The following PDE8A variants were observed in gnomAD, a reference collection of about 807,000 sequenced individuals.
PDE8A encodes high affinity cAMP-specific and IBMX-insensitive 3',5'-cyclic phosphodiesterase 8A.
In PDE8A, 59 loss-of-function variants were observed where a neutral mutation model predicts 105.0. The observed-to-expected ratio is 0.56, with a 90% CI of 0.46 to 0.70. PDE8A has a LOEUF of 0.70. PDE8A is among the 30% of genes least tolerant of loss of function. The probability of loss-of-function intolerance (pLI) is 0.00; values close to 1 mark genes in which losing one functional copy is unlikely to be tolerated. For synonymous variants in PDE8A, 355 were observed against 371.9 expected, an observed-to-expected ratio of 0.95 and a Z score of 0.52; for missense variants, 1,014 against 1,045.9, an observed-to-expected ratio of 0.97 and a Z score of 0.42.
intron 18 of PDE8A, 66 bp downstream of exon 18, chr15:85,121,080 A>G (rs1470626150): frequency 2.0e-6 from 2 of 989,048 alleles, no homozygotes; most frequent in African/African-American, 1.6e-5. Flanking sequence ...ATATTGAGAT[A>G]TAATTCACAT....
At chr15:85,039,802 C>T (rs1056087290) in intron 1 of PDE8A, among the ~76,000 whole-genome samples, 5 of 152,156 alleles carry the variant, frequency 3.3e-5, no homozygotes, top group Non-Finnish European at 7.3e-5. Flanking sequence ...CATGGATAAA[C>T]TTAGAGGACT....
At chr15:85,104,192 T>C (rs766041712) in intron 11 of PDE8A, among the ~76,000 whole-genome samples, 5 of 152,224 alleles carry the variant, frequency 3.3e-5, no homozygotes, top group Non-Finnish European at 5.9e-5. Context: ...AACATGAGTT[T>C]CGCTGTCTGG....
intron 21 of PDE8A, among the ~76,000 whole-genome samples, chr15:85,137,375 T>TGTG: frequency 6.6e-6 from 1 of 150,578 alleles, no homozygotes; most frequent in African/African-American, 2.5e-5. Context: ...ACGTTCTTCA[T>TGTG]GTGGTGCAGG....
At chr15:84,994,943 C>G (rs1308625155) in intron 1 of PDE8A, among the ~76,000 whole-genome samples, 1 of 148,090 alleles carries the variant, frequency 6.8e-6, no homozygotes, top group Non-Finnish European at 1.5e-5. Context: ...GCCTGGGCAA[C>G]AAGGGCGAAA....
chr15:85,100,526 T>C (rs2081844247), intron 11 of PDE8A, among the ~76,000 whole-genome samples: 1 of 152,232 alleles, frequency 6.6e-6, no homozygotes. Flanking sequence ...CACAGTCCTT[T>C]AACAGGGATG....
intron 1 of PDE8A, among the ~76,000 whole-genome samples, chr15:84,982,826 GCAGGTTAC>G (rs1178700455): frequency 6.6e-6 from 1 of 152,228 alleles, no homozygotes; most frequent in Non-Finnish European, 1.5e-5. Context: ...ACATGCAGTT[GCAGGTTAC>G]CATTTTCTTC....
Position 85,083,648 on chromosome 15 carries a change from A to G in PDE8A, c.635+4A>G, listed in dbSNP as rs1596500860. Reference sequence around the variant, plus strand: ...TGCGATCACAACTGAAACTCAGGTAATTCTACCACTTCTGGAAAGCCCTCC... The same window carrying G: ...TGCGATCACAACTGAAACTCAGGTAGTTCTACCACTTCTGGAAAGCCCTCC... On this transcript the variant is annotated splice_donor_region_variant and intron_variant, in intron 6 of 21. Coordinates refer to ENST00000394553, the MANE Select transcript of PDE8A (RefSeq NM_002605.3). 1 of 1,598,298 alleles carries G rather than the reference A, an allele frequency of 6.3e-7. No individual in the cohort carries two copies. The highest frequency in any genetic ancestry group is 8.6e-7 in the Non-Finnish European group (1 of 1,165,710).
chr15:85,054,037 A>C (rs566454143), intron 1 of PDE8A, among the ~76,000 whole-genome samples: 2 of 152,170 alleles, frequency 1.3e-5, no homozygotes, highest in South Asian at 4.1e-4. Flanking sequence ...AGGGCTGTTG[A>C]ATTTTGTCAA....
intron 1 of PDE8A, among the ~76,000 whole-genome samples, chr15:85,040,948 A>G (rs2042319706): frequency 6.6e-6 from 1 of 152,038 alleles, no homozygotes; most frequent in South Asian, 2.1e-4. Flanking sequence ...TTTAAGATTC[A>G]TCATATTATT....
chr15:85,041,077 C>A (rs1013657734), intron 1 of PDE8A, among the ~76,000 whole-genome samples: 1 of 152,208 alleles, frequency 6.6e-6, no homozygotes, highest in African/African-American at 2.4e-5. Flanking sequence ...AGGCTCATCA[C>A]TTCTGGGTTG....
intron 1 of PDE8A, among the ~76,000 whole-genome samples, chr15:85,040,493 A>G (rs1193456301): frequency 6.7e-6 from 1 of 148,990 alleles, no homozygotes; most frequent in African/African-American, 2.5e-5. Context: ...CACCTGTTCT[A>G]GTGTGTTTAA....
intron 1 of PDE8A, among the ~76,000 whole-genome samples, chr15:85,008,016 T>A (rs1039547348): frequency 7.9e-5 from 12 of 152,048 alleles, no homozygotes; most frequent in African/African-American, 2.7e-4. Flanking sequence ...TGGTAGTACT[T>A]GGAGTGAGCT....
chr15:85,026,062 C>G (rs2080511067), intron 1 of PDE8A, among the ~76,000 whole-genome samples: 1 of 152,198 alleles, frequency 6.6e-6, no homozygotes, highest in Non-Finnish European at 1.5e-5. Context: ...TTAGTGACCT[C>G]TGAACCCGTG....
At chr15:85,130,489 A>G in intron 20 of PDE8A, among the ~76,000 whole-genome samples, 1 of 152,104 alleles carries the variant, frequency 6.6e-6, no homozygotes, top group Middle Eastern at 3.2e-3. Flanking sequence ...GGCCTATCAT[A>G]TGTTGTATCC....
chr15:85,027,338 A>G (rs914550717), intron 1 of PDE8A, among the ~76,000 whole-genome samples: 5 of 152,212 alleles, frequency 3.3e-5, no homozygotes, highest in Non-Finnish European at 7.3e-5. Flanking sequence ...ATATTTAGCC[A>G]TCTGGAAGCC....
rs181758042 is a variant in PDE8A, at chr15:85,043,460, C to T, written c.187-20910C>T. On this transcript the variant is annotated intron_variant, in intron 1 of 21. Coordinates refer to ENST00000394553, the MANE Select transcript of PDE8A (RefSeq NM_002605.3). ...ATTGGATTTGAGGATCCTCAGATCT[C>T]AGTGACATGTTTGAAGAAGATCTCG... 2.4e-3 allele frequency among the ~76,000 whole-genome samples: 360 copies of T among 152,236 alleles called. 1 individual carries two copies. Among genetic ancestry groups the T allele is most frequent in the African/African-American group, 8.3e-3 (346 of 41,532 alleles).
chr15:85,051,859 A>G (rs975860300), intron 1 of PDE8A, among the ~76,000 whole-genome samples: 2 of 152,002 alleles, frequency 1.3e-5, no homozygotes, highest in African/African-American at 4.8e-5. Flanking sequence ...TCTAGGGTAC[A>G]TGTGCACAAT....
chr15:85,042,068 A>G (rs1419062525), intron 1 of PDE8A, among the ~76,000 whole-genome samples: 1 of 138,536 alleles, frequency 7.2e-6, no homozygotes, highest in Non-Finnish European at 1.6e-5. Context: ...GAAACTTTAA[A>G]GAAACCAATT....
chr15:85,091,961 T>G (rs1567278704), intron 8 of PDE8A, among the ~76,000 whole-genome samples: 1 of 151,458 alleles, frequency 6.6e-6, no homozygotes, highest in Non-Finnish European at 1.5e-5. Context: ...TCTGATTATT[T>G]CAAACATTTG....
Sources: gnomAD v4.1 joint callset for allele counts (sites outside exome capture counted in the v4.1 genomes callset) on GRCh38, gnomAD v4.1.1 for gene constraint, MANE v1.5 for transcripts, NCBI Gene and HGNC (gene_info 2026-07-23, HGNC 2026-07-21) for gene names.